Variants in PTCHD4 observed in about 807,000 individuals in gnomAD.
PTCHD4 encodes patched domain-containing protein 4.
Under a neutral mutation model 58.1 loss-of-function variants are expected in PTCHD4, and 33 were observed. The ratio of observed to expected loss-of-function variants is 0.57; its 90% CI spans 0.43 to 0.76. PTCHD4 has a LOEUF of 0.76. Among genes scored for constraint, PTCHD4 ranks in the 30% least tolerant of loss-of-function variants. The probability of loss-of-function intolerance (pLI) is 0.00; values close to 1 mark genes in which losing one functional copy is unlikely to be tolerated. For synonymous variants in PTCHD4, 478 were observed against 409.6 expected, an observed-to-expected ratio of 1.17 and a Z score of -2.02; for missense variants, 1,058 against 1,027.1, an observed-to-expected ratio of 1.03 and a Z score of -0.41.
At chr6:48,026,481 A>G (rs1763250275) in intron 3 of PTCHD4, among the ~76,000 whole-genome samples, 1 of 151,996 alleles carries the variant, frequency 6.6e-6, no homozygotes, top group Admixed American at 6.6e-5. Context: ...TTCCCTTCCC[A>G]TCAACTTCTC....
intron 1 of PTCHD4, among the ~76,000 whole-genome samples, chr6:48,078,300 A>G (rs1291818285): frequency 1.3e-5 from 2 of 152,190 alleles, no homozygotes; most frequent in African/African-American, 4.8e-5. Context: ...AGAGCCATTG[A>G]AGATTGGGAG....
At chr6:48,033,292 TG>T (rs1419355642) in intron 3 of PTCHD4, among the ~76,000 whole-genome samples, 1 of 152,060 alleles carries the variant, frequency 6.6e-6, no homozygotes, top group Non-Finnish European at 1.5e-5. Flanking sequence ...TGCAAGAAGC[TG>T]AGAGTGAGAA....
chr6:48,035,483 G>A (rs1391858522), intron 3 of PTCHD4, among the ~76,000 whole-genome samples: 2 of 152,098 alleles, frequency 1.3e-5, no homozygotes, highest in African/African-American at 4.8e-5. Context: ...ATCAGAAAAA[G>A]GGGATAGGGC....
chr6:48,105,548 G>C (rs1181012770), intron 1 of PTCHD4, among the ~76,000 whole-genome samples: 2 of 152,116 alleles, frequency 1.3e-5, no homozygotes, highest in Non-Finnish European at 2.9e-5. Flanking sequence ...AACTAGCGAA[G>C]CAAGAGCAAA....
chr6:48,010,106 T>C (rs1762612695), intron 3 of PTCHD4, among the ~76,000 whole-genome samples: 2 of 152,226 alleles, frequency 1.3e-5, no homozygotes, highest in South Asian at 4.1e-4. Flanking sequence ...ATCATTTATT[T>C]CAATGGCAAT....
chr6:47,956,515 G>T (rs2113958551), intron 4 of PTCHD4, among the ~76,000 whole-genome samples: 1 of 151,752 alleles, frequency 6.6e-6, no homozygotes, highest in East Asian at 2.0e-4. Context: ...CTTACTGCAA[G>T]CTCCACCTCC....
At chr6:48,076,167 T>C (rs1243039806) in intron 1 of PTCHD4, among the ~76,000 whole-genome samples, 1 of 152,250 alleles carries the variant, frequency 6.6e-6, no homozygotes, top group Non-Finnish European at 1.5e-5. Context: ...TGCTCATCTA[T>C]AGGAAACAAC....
At chr6:48,058,971 A>C (rs1002791853) in intron 3 of PTCHD4, among the ~76,000 whole-genome samples, 1 of 152,256 alleles carries the variant, frequency 6.6e-6, no homozygotes, top group African/African-American at 2.4e-5. Flanking sequence ...TTTTAAATCT[A>C]ATCATGAATT....
chr6:48,108,856 T>G (rs1219628843), intron 1 of PTCHD4, among the ~76,000 whole-genome samples: 3 of 151,544 alleles, frequency 2.0e-5, no homozygotes, highest in African/African-American at 7.3e-5. Context: ...TTGGAAAACA[T>G]TAATAAACAA....
At chr6:47,906,100 G>A (rs1715709349) in intron 4 of PTCHD4, among the ~76,000 whole-genome samples, 1 of 152,200 alleles carries the variant, frequency 6.6e-6, no homozygotes, top group African/African-American at 2.4e-5. Flanking sequence ...CAGAAGTCCA[G>A]GATCTCACAA....
At chr6:47,885,842 G>T (rs766056827) in intron 4 of PTCHD4, among the ~76,000 whole-genome samples, 1 of 151,832 alleles carries the variant, frequency 6.6e-6, no homozygotes, top group Non-Finnish European at 1.5e-5. Context: ...TTTTTGAGAC[G>T]GAGTCTCACT....
intron 3 of PTCHD4, among the ~76,000 whole-genome samples, chr6:48,064,589 A>G (rs768450414): frequency 6.6e-5 from 10 of 152,186 alleles, no homozygotes; most frequent in Non-Finnish European, 1.3e-4. Flanking sequence ...TTTGGGTCAA[A>G]AGCACTTTAA....
rs774378471 is a variant in PTCHD4, at chr6:47,869,567, A to G, written c.*8736T>C. ...AATGCTTTAGTAATTTATGTGTTTT[A>G]GAGACATTTGTGAACTTAGGGATTC... On this transcript the variant is annotated 3_prime_UTR_variant, in exon 5 of 5. Transcript: ENST00000339488. Among the ~76,000 whole-genome samples the G allele has an allele frequency of 2.0e-5, 3 of 151,704 alleles. No individual in the cohort carries two copies. The highest frequency in any genetic ancestry group is 3.0e-5 in the Non-Finnish European group (2 of 67,760).
chr6:47,882,364 T>G (rs906934181), intron 4 of PTCHD4, among the ~76,000 whole-genome samples: 6 of 152,064 alleles, frequency 3.9e-5, no homozygotes, highest in African/African-American at 1.4e-4. Flanking sequence ...CCATATTAGA[T>G]TAGGTAATCA....
intron 4 of PTCHD4, among the ~76,000 whole-genome samples, chr6:48,001,414 T>C (rs551117932): frequency 8.5e-5 from 13 of 152,244 alleles, no homozygotes; most frequent in African/African-American, 3.1e-4. Context: ...AACAGAGATA[T>C]AGACCAACGG....
At chr6:48,087,241 C>G (rs2113898839) in intron 1 of PTCHD4, among the ~76,000 whole-genome samples, 1 of 152,228 alleles carries the variant, frequency 6.6e-6, no homozygotes, top group South Asian at 2.1e-4. Flanking sequence ...TTTTTTTCTC[C>G]TCTGGTCTGT....
At chr6:47,991,636 C>A (rs1768282717) in intron 4 of PTCHD4, among the ~76,000 whole-genome samples, 1 of 151,354 alleles carries the variant, frequency 6.6e-6, no homozygotes, top group Non-Finnish European at 1.5e-5. Flanking sequence ...AAAAAAAAAA[C>A]TAACAATAGA....
rs369986208 is a variant in PTCHD4 at position 47,945,440 on chromosome 6, C to T, written c.898+63194G>A. On this transcript the variant is annotated intron_variant, in intron 4 of 4. Transcript: ENST00000339488. Reference sequence around the variant, plus strand: ...ATATCCTTTCTTAAATTCTCCCCCTCCCAGAGGTAAACTCTCTCTTAAATT... The same window carrying T: ...ATATCCTTTCTTAAATTCTCCCCCTTCCAGAGGTAAACTCTCTCTTAAATT... Among the ~76,000 whole-genome samples, 166 of 152,150 alleles carry T rather than the reference C, an allele frequency of 1.1e-3. 1 individual carries two copies. In the South Asian group the frequency reaches 0.032, roughly 29 times the overall value.
Position 47,878,452 on chromosome 6 carries a change from G to A in PTCHD4, c.2383C>T (p.His795Tyr). ...AACACAGGTAAAATAACAAAACAGT[G>A]CAGAAGTGTGCAACCCCCAGTGAGC... is the stretch of plus-strand genomic sequence containing the variant. ...LLLTGGCTLLHCFVILPVFLT... is the reference protein window; with the variant it reads ...LLLTGGCTLLYCFVILPVFLT... Residue 795 changes from histidine to tyrosine, a missense_variant, in exon 5 of 5, where the codon CAC becomes TAC. By Grantham distance (83) the His-to-Tyr change is moderately conservative. Transcript: ENST00000339488. 1 of 1,613,454 alleles carries A rather than the reference G, an allele frequency of 6.2e-7. No individual in the cohort carries two copies. The highest frequency in any genetic ancestry group is 8.5e-7 in the Non-Finnish European group (1 of 1,179,654).
Sources: allele counts gnomAD v4.1 joint callset (sites outside exome capture counted in the v4.1 genomes callset), GRCh38; gene constraint gnomAD v4.1.1; transcripts MANE v1.5; gene names NCBI Gene and HGNC (gene_info 2026-07-23, HGNC 2026-07-21).